ST8SIA2: variants seen among roughly 807,000 people sequenced by gnomAD.
ST8SIA2 encodes ST8 alpha-N-acetyl-neuraminide alpha-2,8-sialyltransferase 2.
ST8SIA2 carries 22 observed loss-of-function variants against 37.6 expected under a neutral mutation model. That is an observed-to-expected ratio of 0.58 (90% CI 0.42 to 0.83). The LOEUF is 0.83. Ranked by LOEUF, ST8SIA2 falls within the 40% of genes least tolerant of loss-of-function variation. The pLI is 0.00. For synonymous variants in ST8SIA2, 205 were observed against 201.2 expected, an observed-to-expected ratio of 1.02 and a Z score of -0.16; for missense variants, 382 against 484.7, an observed-to-expected ratio of 0.79 and a Z score of 1.99.
intron 5 of ST8SIA2, among the ~76,000 whole-genome samples, chr15:92,452,804 G>T (rs564093283): frequency 1.3e-5 from 2 of 152,292 alleles, no homozygotes; most frequent in African/African-American, 4.8e-5. Flanking sequence ...TGATAAGATA[G>T]ATATTATTTT....
intron 4 of ST8SIA2, among the ~76,000 whole-genome samples, chr15:92,443,916 C>G (rs74029037): frequency 1.2e-4 from 19 of 152,066 alleles, no homozygotes; most frequent in Admixed American, 2.0e-4. Flanking sequence ...TTTTAACGAG[C>G]GCCTGGGGTG....
intron 5 of ST8SIA2, among the ~76,000 whole-genome samples, chr15:92,458,659 C>G (rs1158398127): frequency 6.6e-6 from 1 of 152,210 alleles, no homozygotes; most frequent in Non-Finnish European, 1.5e-5. Context: ...TTCCCAGGAG[C>G]CCACAGATCA....
At chr15:92,398,235 C>A (rs1017084833) in intron 1 of ST8SIA2, among the ~76,000 whole-genome samples, 1 of 152,202 alleles carries the variant, frequency 6.6e-6, no homozygotes, top group Admixed American at 6.5e-5. Context: ...TCCTTTTTAT[C>A]AGCTAGGGTG....
intron 1 of ST8SIA2, among the ~76,000 whole-genome samples, chr15:92,423,598 G>T (rs1457805847): frequency 6.6e-6 from 1 of 152,210 alleles, no homozygotes; most frequent in Non-Finnish European, 1.5e-5. Flanking sequence ...ATGGCACGTT[G>T]AGCACTGCCT....
At chr15:92,397,228 G>C (rs1391442566) in intron 1 of ST8SIA2, among the ~76,000 whole-genome samples, 1 of 152,176 alleles carries the variant, frequency 6.6e-6, no homozygotes, top group Admixed American at 6.5e-5. Flanking sequence ...TGTATTATCT[G>C]GAGGGATAAA....
At chr15:92,409,874 G>A (rs1453783160) in intron 1 of ST8SIA2, among the ~76,000 whole-genome samples, 1 of 152,240 alleles carries the variant, frequency 6.6e-6, no homozygotes, top group African/African-American at 2.4e-5. Context: ...CCATTTTACA[G>A]GTGCTTACAA....
In ST8SIA2 at chr15:92,465,423, A is replaced by G. The variant is rs1336342405; in HGVS notation, c.*1038A>G. ...AAATGTCATCCTTCTTAAAATACAT[A>G]TGATTGCCTTTTTGGGTGCCTCACA... On this transcript the variant is annotated 3_prime_UTR_variant, in exon 6 of 6. Transcript: ENST00000268164. The G allele has an allele frequency of 6.6e-6, 1 of 152,218 alleles. No individual in the cohort carries two copies. Among genetic ancestry groups the G allele is most frequent in the Non-Finnish European group, 1.5e-5 (1 of 68,044 alleles). 9.4% of individuals were successfully genotyped at this position (152,218 alleles called of 1,614,324 possible). A position where few individuals can be genotyped will look rare whatever the true frequency, so the allele number is the denominator to read the frequency against.
chr15:92,425,727 T>C (rs550511683), intron 1 of ST8SIA2, among the ~76,000 whole-genome samples: 12 of 152,090 alleles, frequency 7.9e-5, no homozygotes, highest in African/African-American at 2.7e-4. Context: ...GATTGGCTAG[T>C]TTGAGTAACT....
At chr15:92,417,498 G>A (rs2049596076) in intron 1 of ST8SIA2, 1 of 152,276 alleles carries the variant, frequency 6.6e-6, no homozygotes, top group African/African-American at 2.4e-5. Flanking sequence ...AAGAAAGCCT[G>A]GTTGAAGGCA....
rs1159876173 is a variant in ST8SIA2 at position 92,467,321 on chromosome 15, A to C, written c.*2936A>C. The C allele has an allele frequency of 6.5e-6, 1 of 153,398 alleles. No homozygotes were observed. The highest frequency in any genetic ancestry group is 2.4e-5 in the African/African-American group (1 of 41,352). The allele number at this position is 153,398 out of a possible 1,614,324, so 9.5% of individuals were successfully genotyped here. A position where few individuals can be genotyped will look rare whatever the true frequency, so the allele number is the denominator to read the frequency against. On this transcript the variant is annotated 3_prime_UTR_variant, in exon 6 of 6. Coordinates refer to ENST00000268164, the MANE Select transcript of ST8SIA2 (RefSeq NM_006011.4). ...CTGCACATCAGCACACACTGACTCC[A>C]CCTGGGCTGGCTCCTGCCGCCTCTT...
intron 1 of ST8SIA2, among the ~76,000 whole-genome samples, chr15:92,399,257 G>GTTT (rs2049453581): frequency 6.6e-6 from 1 of 152,226 alleles, no homozygotes; most frequent in Non-Finnish European, 1.5e-5. Flanking sequence ...AGGGGAGATA[G>GTTT]TAAAGATATT....
intron 1 of ST8SIA2, among the ~76,000 whole-genome samples, chr15:92,406,993 T>TC (rs1458730153): frequency 3.1e-5 from 3 of 96,694 alleles, no homozygotes; most frequent in Admixed American, 1.2e-4. Context: ...AAACCCTGTC[T>TC]CAAAAAAAAA....
rs183520199 is a variant in ST8SIA2, at chr15:92,455,679, C to T, written c.843-8421C>T. 1.9e-3 allele frequency among the ~76,000 whole-genome samples: 286 copies of T among 152,300 alleles called. 1 individual carries two copies. Among genetic ancestry groups the T allele is most frequent in the Non-Finnish European group, 3.5e-3 (238 of 68,026 alleles). ...AATTTATGTAAGCAGAAGCCATTGG[C>T]GGGCATTGAGGGTGTTTCCAATTTT... On this transcript the variant is annotated intron_variant, in intron 5 of 5. Transcript: ENST00000268164.
At chr15:92,406,044 C>T (rs1438154415) in intron 1 of ST8SIA2, among the ~76,000 whole-genome samples, 1 of 152,162 alleles carries the variant, frequency 6.6e-6, no homozygotes, top group African/African-American at 2.4e-5. Flanking sequence ...AAGGGTGAAC[C>T]TGAAAAGAAA....
intron 1 of ST8SIA2, 35 bp from the exon 2 acceptor site, chr15:92,430,014 G>A: frequency 1.2e-6 from 2 of 1,612,594 alleles, no homozygotes; most frequent in Non-Finnish European, 8.5e-7. Flanking sequence ...AAGATGAGCT[G>A]GGTTTATAAA....
At chr15:92,417,521 G>A (rs1367400217) in intron 1 of ST8SIA2, 1 of 152,226 alleles carries the variant, frequency 6.6e-6, no homozygotes, top group Non-Finnish European at 1.5e-5. Flanking sequence ...GGTCTTTCAA[G>A]TCCCCTCGAG....
chr15:92,442,176 C>A (rs1458891427), intron 4 of ST8SIA2, among the ~76,000 whole-genome samples: 1 of 152,234 alleles, frequency 6.6e-6, no homozygotes, highest in East Asian at 1.9e-4. Flanking sequence ...GCTCCCCCAA[C>A]CCAGCATCCT....
At chr15:92,397,289 A>G (rs957728670) in intron 1 of ST8SIA2, among the ~76,000 whole-genome samples, 7 of 152,168 alleles carry the variant, frequency 4.6e-5, no homozygotes, top group Non-Finnish European at 1.0e-4. Flanking sequence ...TTATAAAATG[A>G]GGCTTTTAAT....
At chr15:92,448,675 A>G (rs751810426) in intron 5 of ST8SIA2, among the ~76,000 whole-genome samples, 25 of 152,348 alleles carry the variant, frequency 1.6e-4, no homozygotes, top group Non-Finnish European at 2.8e-4. Context: ...GCCACCTGCC[A>G]CTTGGAGAGC....
Sources: allele counts gnomAD v4.1 joint callset (sites outside exome capture counted in the v4.1 genomes callset), GRCh38; gene constraint gnomAD v4.1.1; transcripts MANE v1.5; gene names NCBI Gene and HGNC (gene_info 2026-07-23, HGNC 2026-07-21).